The following NELL1 variants were observed in gnomAD, a reference collection of about 807,000 sequenced individuals.
The protein encoded by NELL1 is neural EGFL like 1.
Under a neutral mutation model 107.4 loss-of-function variants are expected in NELL1, and 76 were observed. That is an observed-to-expected ratio of 0.71 (90% confidence interval 0.59 to 0.86). NELL1 has a LOEUF of 0.86. NELL1 is among the 40% of genes least tolerant of loss of function. The pLI is 0.00. For synonymous variants in NELL1, 353 were observed against 341.2 expected, an observed-to-expected ratio of 1.03 and a Z score of -0.38; for missense variants, 1,024 against 1,005.5, an observed-to-expected ratio of 1.02 and a Z score of -0.25.
chr11:20,896,867 A>C (rs1395887469), intron 5 of NELL1, among the ~76,000 whole-genome samples: 1 of 152,100 alleles, frequency 6.6e-6, no homozygotes, highest in Non-Finnish European at 1.5e-5. Context: ...GATGTGAAGG[A>C]CCTCTTCAAG....
intron 15 of NELL1, among the ~76,000 whole-genome samples, chr11:21,494,523 T>A (rs1309112370): frequency 1.3e-5 from 2 of 152,018 alleles, no homozygotes; most frequent in East Asian, 3.9e-4. Context: ...ACAAATATGT[T>A]ATAATACATT....
At chr11:21,282,319 T>C (rs1339097164) in intron 14 of NELL1, among the ~76,000 whole-genome samples, 1 of 151,948 alleles carries the variant, frequency 6.6e-6, no homozygotes, top group East Asian at 1.9e-4. Flanking sequence ...CCAGTTAAAA[T>C]GACTTATATA....
At position 20,954,537 on chromosome 11, in the gene NELL1, C is replaced by T. The variant is rs972874503; in HGVS notation, c.1172-5895C>T. Among the ~76,000 whole-genome samples, 5 of 152,244 alleles carry T rather than the reference C, an allele frequency of 3.3e-5. No individual in the cohort carries two copies. In the East Asian group the frequency reaches 5.8e-4, roughly 18 times the overall value. ...CCCCTTAGGGATTATAATTTCCCTG[C>T]GGGCAGAGAATATCTTAAACATTTT... On this transcript the variant is annotated intron_variant, in intron 11 of 19. Coordinates refer to ENST00000357134, the MANE Select transcript of NELL1 (RefSeq NM_006157.5).
Position 20,939,293 on chromosome 11 carries a change from C to T in NELL1, c.1071+1434C>T, listed in dbSNP as rs116211843. 7.4e-3 allele frequency among the ~76,000 whole-genome samples: 1,128 copies of T among 151,758 alleles called. 19 individuals carry two copies. The highest frequency in any genetic ancestry group is 0.024 in the African/African-American group (1,007 of 41,226). ...AGTAGCCAAAACCTCCCCTGGCTAA[C>T]GTAGGTAAAAATGACAATGTTATTG... On this transcript the variant is annotated intron_variant, in intron 10 of 19. Transcript: ENST00000357134.
chr11:21,310,806 T>A (rs532327700), intron 14 of NELL1, among the ~76,000 whole-genome samples: 350 of 151,812 alleles, frequency 2.3e-3, no homozygotes, highest in Admixed American at 4.2e-3. Context: ...CATGTTGGAG[T>A]GGAAGGGGAG....
intron 12 of NELL1, among the ~76,000 whole-genome samples, chr11:21,059,315 C>T (rs1023689663): frequency 1.3e-5 from 2 of 149,950 alleles, no homozygotes; most frequent in East Asian, 4.0e-4. Flanking sequence ...GTACCTAACT[C>T]ATAGTCAGTA....
intron 15 of NELL1, among the ~76,000 whole-genome samples, chr11:21,522,247 A>G (rs2133957063): frequency 6.6e-6 from 1 of 150,904 alleles, no homozygotes; most frequent in South Asian, 2.1e-4. Context: ...AAAAAAAAAA[A>G]CAAACAAACC....
At chr11:21,436,609 A>C (rs1235404177) in intron 15 of NELL1, among the ~76,000 whole-genome samples, 1 of 151,676 alleles carries the variant, frequency 6.6e-6, no homozygotes, top group Non-Finnish European at 1.5e-5. Flanking sequence ...TTTATTTTTA[A>C]ATATATTTTA....
At chr11:20,863,813 G>A (rs1414905441) in intron 4 of NELL1, among the ~76,000 whole-genome samples, 7 of 152,210 alleles carry the variant, frequency 4.6e-5, no homozygotes, top group Non-Finnish European at 1.0e-4. Context: ...TCCAGCCTGG[G>A]CAACATTGAG....
At chr11:20,814,152 C>CCAT (rs369194382) in intron 3 of NELL1, among the ~76,000 whole-genome samples, 143,109 of 151,632 alleles carry the variant, frequency 0.94, 67,894 homozygotes, top group East Asian at 1. Context: ...CACACCGCCA[C>CCAT]GCCCGGCTAA....
chr11:20,692,845 A>G (rs879856951), intron 2 of NELL1, among the ~76,000 whole-genome samples: 3 of 152,136 alleles, frequency 2.0e-5, no homozygotes, highest in African/African-American at 4.8e-5. Flanking sequence ...TATACTTGTT[A>G]ACTTTCTGTC....
intron 1 of NELL1, among the ~76,000 whole-genome samples, chr11:20,670,226 CGGGCGCGGCCGGGGCCCGGGA>C (rs1383100632): frequency 1.4e-4 from 21 of 151,980 alleles, no homozygotes; most frequent in Middle Eastern, 3.4e-3. Flanking sequence ...TTCCGGCTGG[CGGGCGCGGCCGGGGCCCGGGA>C]GGGCGCGGTG....
chr11:20,882,603 A>G (rs777100074), intron 4 of NELL1, among the ~76,000 whole-genome samples: 16 of 152,236 alleles, frequency 1.1e-4, no homozygotes, highest in Non-Finnish European at 1.9e-4. Context: ...TGTAAACATC[A>G]TGACCCTCTA....
At chr11:21,065,305 G>C (rs890747678) in intron 12 of NELL1, among the ~76,000 whole-genome samples, 13 of 152,084 alleles carry the variant, frequency 8.5e-5, no homozygotes, top group South Asian at 4.2e-4. Flanking sequence ...CATGTCCTAG[G>C]GTTTGTTATA....
At chr11:20,840,172 A>G (rs1335779645) in intron 3 of NELL1, among the ~76,000 whole-genome samples, 1 of 152,228 alleles carries the variant, frequency 6.6e-6, no homozygotes, top group African/African-American at 2.4e-5. Flanking sequence ...ATGTATAGTT[A>G]TATATCTGTG....
chr11:20,690,977 T>C (rs967564070), intron 2 of NELL1, among the ~76,000 whole-genome samples: 8 of 152,084 alleles, frequency 5.3e-5, no homozygotes, highest in Non-Finnish European at 2.9e-5. Flanking sequence ...GGTTTGTAGT[T>C]CTCCTTGAAG....
intron 14 of NELL1, among the ~76,000 whole-genome samples, chr11:21,278,049 A>T (rs200567393): frequency 2.9e-4 from 1 of 3,398 alleles, no homozygotes; most frequent in Non-Finnish European, 2.6e-3. Flanking sequence ...GAAGTATAAT[A>T]AAAAAAAAAG....
At chr11:21,534,631 A>G (rs1421482868) in intron 16 of NELL1, 117 bp downstream of exon 16, 9 of 1,095,144 alleles carry the variant, frequency 8.2e-6, no homozygotes, top group Non-Finnish European at 1.2e-5. Context: ...GGTTAAATGC[A>G]TCAGTTTTCA....
At chr11:20,701,907 T>C (rs184928425) in intron 2 of NELL1, among the ~76,000 whole-genome samples, 51 of 152,356 alleles carry the variant, frequency 3.3e-4, no homozygotes, top group Admixed American at 1.4e-3. Flanking sequence ...TTTTGGTTAC[T>C]GTAGCCTTGT....
Sources: gnomAD v4.1 joint callset for allele counts (sites outside exome capture counted in the v4.1 genomes callset) on GRCh38, gnomAD v4.1.1 for gene constraint, MANE v1.5 for transcripts, NCBI Gene and HGNC (gene_info 2026-07-23, HGNC 2026-07-21) for gene names.